Variants in ZNF215 observed in about 807,000 individuals in gnomAD.
ZNF215 encodes zinc finger protein 215, also known as BWSCR2-associated zinc finger protein 2.
Under a neutral mutation model 27.2 loss-of-function variants are expected in ZNF215, and 24 were observed. The ratio of observed to expected loss-of-function variants is 0.88; its 90% CI spans 0.64 to 1.24. The LOEUF (loss-of-function observed/expected upper bound fraction) is 1.24, where lower values mean the gene tolerates loss of function less well. ZNF215 is among the 50% of genes most tolerant of loss of function. ZNF215 has a pLI of 0.00. For synonymous variants in ZNF215, 210 were observed against 204.0 expected (o/e 1.03, Z -0.25); for missense variants, 675 against 605.7 (o/e 1.11, Z -1.20).
intron 2 of ZNF215, among the ~76,000 whole-genome samples, chr11:6,928,826 CAT>C (rs139168860): frequency 0.044 from 6,691 of 152,140 alleles, 246 homozygotes; most frequent in East Asian, 0.16. Context: ...TTCCACCAGT[CAT>C]ATTTAAGAGC....
At chr11:6,944,851 T>C (rs1050026933) in intron 6 of ZNF215, among the ~76,000 whole-genome samples, 1 of 152,156 alleles carries the variant, frequency 6.6e-6, no homozygotes, top group African/African-American at 2.4e-5. Flanking sequence ...CATACCATCG[T>C]GATTACCTAT....
downstream of ZNF215, among the ~76,000 whole-genome samples, chr11:6,993,242 C>T (rs1851137843): frequency 6.6e-6 from 1 of 152,164 alleles, no homozygotes; most frequent in Non-Finnish European, 1.5e-5. Flanking sequence ...TTTCAATAAA[C>T]TCTCTTCTCA....
At chr11:6,979,381 C>A (rs1053484653) in intron 5 of ZNF215, among the ~76,000 whole-genome samples, 1 of 151,822 alleles carries the variant, frequency 6.6e-6, no homozygotes, top group East Asian at 1.9e-4. Context: ...CTGTGAAAAA[C>A]CATAGATTTA....
Position 6,934,996 on chromosome 11 carries a change from G to C in ZNF215, c.400+2324G>C, listed in dbSNP as rs545247704. Among the ~76,000 whole-genome samples the C allele has an allele frequency of 5.9e-5, 9 of 152,264 alleles. No individual in the cohort carries two copies. The South Asian group carries it at 1.9e-3, about 32-fold the overall frequency. Reference sequence around the variant, plus strand: ...GGTTGTTTCTTTGGTTTGTCTGGTGGCTCTCTGAAAAACCTGCTCATAGGG... The same window carrying C: ...GGTTGTTTCTTTGGTTTGTCTGGTGCCTCTCTGAAAAACCTGCTCATAGGG... On this transcript the variant is annotated intron_variant, in intron 3 of 6. Transcript: ENST00000278319.
chr11:6,928,842 C>G (rs1360048607), intron 2 of ZNF215, among the ~76,000 whole-genome samples: 3 of 152,148 alleles, frequency 2.0e-5, no homozygotes, highest in Non-Finnish European at 4.4e-5. Flanking sequence ...TAAGAGCTCT[C>G]TCTTGGCTGG....
intron 5 of ZNF215, among the ~76,000 whole-genome samples, chr11:6,978,763 A>C (rs1171713604): frequency 6.6e-6 from 1 of 152,044 alleles, no homozygotes; most frequent in Non-Finnish European, 1.5e-5. Context: ...TACCAAAAAA[A>C]AAAATGTATT....
intron 5 of ZNF215, among the ~76,000 whole-genome samples, chr11:6,974,007 C>G (rs891370624): frequency 9.9e-5 from 15 of 151,940 alleles, no homozygotes; most frequent in Admixed American, 9.8e-4. Context: ...AGGTTTTCTT[C>G]TAGGGTTTTT....
rs1009906825 is a variant in ZNF215 at position 6,955,886 on chromosome 11, T to C, written c.909T>C (p.Cys303=). 6.8e-6 allele frequency: 11 copies of C among 1,609,892 alleles called. 1 individual carries two copies. Among genetic ancestry groups the C allele is most frequent in the Non-Finnish European group, 9.3e-6 (11 of 1,178,990 alleles). ...TIYTEEEDFE[C]SENKKSFDIN... is the part of the protein sequence containing the mutation. ...ACACTGAGGAGGAAGATTTTGAATGTAGTGAAAATAAGAAAAGCTTTGATA... is the reference window on the plus strand; with the variant it reads ...ACACTGAGGAGGAAGATTTTGAATGCAGTGAAAATAAGAAAAGCTTTGATA... The change falls in exon 7 of 7, where the codon TGT becomes TGC. Residue 303 remains cysteine, a synonymous_variant. Transcript: ENST00000278319.
chr11:6,962,221 T>G (rs548097685), downstream of ZNF215, among the ~76,000 whole-genome samples: 141 of 152,282 alleles, frequency 9.3e-4, no homozygotes, highest in African/African-American at 3.2e-3. Context: ...CACCAGAATC[T>G]AGGAGTCATG....
chr11:6,932,283 T>C lies in ZNF215; in HGVS notation c.11T>C (p.Leu4Pro). 1 of 1,613,628 alleles carries C rather than the reference T, an allele frequency of 6.2e-7. No homozygotes were observed. The highest frequency in any genetic ancestry group is 1.3e-5 in the African/African-American group (1 of 74,964). The change falls in exon 3 of 7, where the codon CTG (leucine) becomes CCG (proline). Residue 4 changes from leucine to proline, a missense_variant. Physicochemically the swap from Leu to Pro is moderately conservative, Grantham distance 98. Coordinates refer to ENST00000278319, the MANE Select transcript of ZNF215 (RefSeq NM_013250.4). MQPLSKLMAISKPR... is the reference protein window; with the variant it reads MQPPSKLMAISKPR... ...GTTCTATTTAGGAAGATGCAGCCTC[T>C]GAGCAAGTTGATGGCTATCTCAAAA...
chr11:6,957,235 A>G lies in ZNF215; in HGVS notation c.*704A>G, dbSNP rs1258966170. ...TAATGTTATAATTGTTATGATGTTG[A>G]TGAGAAAAATATCGATTCCCAGCCA... On this transcript the variant is annotated 3_prime_UTR_variant, in exon 7 of 7. Transcript: ENST00000278319. 9.3e-6 allele frequency: 9 copies of G among 970,112 alleles called. No individual in the cohort carries two copies. Among genetic ancestry groups the G allele is most frequent in the Non-Finnish European group, 1.1e-5 (9 of 816,076 alleles). The allele number at this position is 970,112 out of a possible 1,614,324, so 60.1% of individuals were successfully genotyped here.
chr11:6,929,113 C>T (rs868431297), intron 2 of ZNF215, among the ~76,000 whole-genome samples: 36 of 152,168 alleles, frequency 2.4e-4, no homozygotes, highest in Non-Finnish European at 3.1e-4. Context: ...CACCATTACC[C>T]TTTTCCTCCC....
rs2638096 is a variant in ZNF215 at position 6,956,685 on chromosome 11, T to A, written c.*154T>A. On this transcript the variant is annotated 3_prime_UTR_variant, in exon 7 of 7. Transcript: ENST00000278319. ...TCACAGAATTAATGTTGGATAGAAA[T>A]ATCATTGGATAGAAATCTGTTTGAA... 277,049 of 1,384,834 alleles carry A rather than the reference T, an allele frequency of 0.2. 28,940 individuals carry two copies. Among genetic ancestry groups the A allele is most frequent in the Middle Eastern group, 0.22 (828 of 3,750 alleles). 85.8% of individuals were successfully genotyped at this position (1,384,834 alleles called of 1,614,324 possible).
chr11:6,951,310 A>G (rs1250914921), intron 6 of ZNF215, among the ~76,000 whole-genome samples: 1 of 152,052 alleles, frequency 6.6e-6, no homozygotes, highest in East Asian at 1.9e-4. Context: ...AAGGAATGGT[A>G]CCAGTTCCTC....
intron 5 of ZNF215, among the ~76,000 whole-genome samples, chr11:6,977,734 T>A (rs192145828): frequency 2.5e-3 from 379 of 152,158 alleles, no homozygotes; most frequent in African/African-American, 8.8e-3. Flanking sequence ...AGGAAATAAA[T>A]TTCTGTTGTA....
At chr11:6,927,306 AT>A (rs1219137278) in intron 1 of ZNF215, among the ~76,000 whole-genome samples, 1 of 152,172 alleles carries the variant, frequency 6.6e-6, no homozygotes, top group Non-Finnish European at 1.5e-5. Flanking sequence ...AATGACTTCT[AT>A]TCAGTCACTT....
intron 6 of ZNF215, among the ~76,000 whole-genome samples, chr11:6,949,579 GT>G (rs1564957752): frequency 1.5e-5 from 2 of 134,884 alleles, no homozygotes; most frequent in East Asian, 5.3e-4. Context: ...TGATGGCGTT[GT>G]TTGTTTTTTT....
rs867857203 is a variant in ZNF215 at position 6,941,640 on chromosome 11, C to T, written c.470C>T (p.Thr157Ile). 2 of 1,613,894 alleles carry T rather than the reference C, an allele frequency of 1.2e-6. No homozygotes were observed. The highest frequency in any genetic ancestry group is 2.7e-5 in the African/African-American group (2 of 74,926). ...IKEKMKAGSR[T>I]GKPQEPVTFK... ...GAGAAAATGAAAGCTGGCTCACGAA[C>T]AGGCAAACCACAGGTGAATTAGGAT... Residue 157 changes from threonine to isoleucine, a missense_variant, in exon 4 of 7, where the codon ACA becomes ATA. Coordinates refer to ENST00000278319, the MANE Select transcript of ZNF215 (RefSeq NM_013250.4).
rs115551037 is a variant in ZNF215 at position 6,977,808 on chromosome 11, C to T, written c.806-6321C>T. ...CACTCTTGTGACAACAAACCCACTC[C>T]CAAGATAACATTAACTCATTCATGA... On this transcript the variant is annotated intron_variant, in intron 5 of 5. Coordinates refer to the ZNF215 transcript ENST00000529903. Among the ~76,000 whole-genome samples the T allele has an allele frequency of 4.4e-3, 663 of 152,118 alleles. 3 individuals are homozygous for T. Among genetic ancestry groups the T allele is most frequent in the African/African-American group, 0.013 (538 of 41,522 alleles).
Sources: allele counts gnomAD v4.1 joint callset (sites outside exome capture counted in the v4.1 genomes callset), GRCh38; gene constraint gnomAD v4.1.1; transcripts MANE v1.5; gene names NCBI Gene and HGNC (gene_info 2026-07-23, HGNC 2026-07-21).